Variants in IL34 observed in about 807,000 individuals in gnomAD.
The protein encoded by IL34 is interleukin-34.
In IL34, 17 loss-of-function variants were observed where a neutral mutation model predicts 25.3. The ratio of observed to expected loss-of-function variants is 0.67; its 90% CI spans 0.46 to 1.01. The LOEUF is 1.01. Ranked by LOEUF, IL34 falls within the 50% of genes least tolerant of loss-of-function variation. The pLI, the probability that IL34 is intolerant of heterozygous loss-of-function variation, is 0.00. For missense variants in IL34, 368 were observed against 312.9 expected (o/e 1.18, Z -1.33); for synonymous variants, 174 against 140.9 (o/e 1.23, Z -1.66).
intron 1 of IL34, among the ~76,000 whole-genome samples, chr16:70,617,467 A>G (rs1423980639): frequency 6.6e-6 from 1 of 152,156 alleles, no homozygotes; most frequent in Non-Finnish European, 1.5e-5. Flanking sequence ...TAGACAGAAG[A>G]TAGTAGGGAT....
intron 1 of IL34, 32 bp downstream of exon 1, chr16:70,647,007 T>C (rs371492920): frequency 6.3e-6 from 9 of 1,437,212 alleles, no homozygotes; most frequent in Middle Eastern, 1.8e-4. Context: ...GGGACCTGCA[T>C]TGGGAGGCCT....
chr16:70,627,085 C>G (rs1053216677), intron 1 of IL34, among the ~76,000 whole-genome samples: 5 of 152,138 alleles, frequency 3.3e-5, no homozygotes, highest in Non-Finnish European at 7.3e-5. Flanking sequence ...ACCTCAGCCT[C>G]CCAAAGTGCT....
At chr16:70,639,981 T>C (rs947468224) in intron 1 of IL34, among the ~76,000 whole-genome samples, 3 of 151,820 alleles carry the variant, frequency 2.0e-5, no homozygotes, top group African/African-American at 4.8e-5. Context: ...CAGAGGAACA[T>C]GTTGAAGTGG....
At chr16:70,645,603 A>T (rs1795235267), upstream of IL34, among the ~76,000 whole-genome samples, 2 of 152,210 alleles carry the variant, frequency 1.3e-5, no homozygotes, top group South Asian at 4.1e-4. Flanking sequence ...TTTTGGGAGC[A>T]GCCACCAGCC....
intron 1 of IL34, among the ~76,000 whole-genome samples, chr16:70,612,313 ACTGGGGGCTGGGGG>A (rs560548899): frequency 2.3e-4 from 34 of 150,666 alleles, no homozygotes; most frequent in Admixed American, 2.2e-3. Flanking sequence ...GCCTGAAAGC[ACTGGGGGCTGGGGG>A]CTGGGGGCTA....
intron 1 of IL34, among the ~76,000 whole-genome samples, chr16:70,597,553 T>C (rs1055667560): frequency 6.6e-6 from 1 of 152,220 alleles, no homozygotes; most frequent in African/African-American, 2.4e-5. Flanking sequence ...TTAGTTCTTG[T>C]TACAAATTGC....
intron 1 of IL34, among the ~76,000 whole-genome samples, chr16:70,619,510 T>G (rs543722984): frequency 6.6e-6 from 1 of 151,416 alleles, no homozygotes; most frequent in Admixed American, 6.6e-5. Context: ...GGCACCAGAG[T>G]TGGGGAGTTT....
At chr16:70,639,117 C>T (rs893538061) in intron 1 of IL34, among the ~76,000 whole-genome samples, 1 of 152,124 alleles carries the variant, frequency 6.6e-6, no homozygotes, top group Non-Finnish European at 1.5e-5. Flanking sequence ...GGGAGATGCC[C>T]TTGGGATATG....
In IL34 at chr16:70,660,605, C is replaced by T. The variant is rs570185965; in HGVS notation, c.*418C>T. The T allele has an allele frequency of 9.0e-4, 155 of 172,888 alleles. 1 individual carries two copies. The highest frequency in any genetic ancestry group is 3.5e-3 in the African/African-American group (147 of 42,244). The allele number at this position is 172,888 out of a possible 1,614,324, so 10.7% of individuals were successfully genotyped here. ...AGACTGGGGAGCTGGGGGCAGAGGGCGGTGCCAAGTGCCACATCTTGCCAT... is the reference window on the plus strand; with the variant it reads ...AGACTGGGGAGCTGGGGGCAGAGGGTGGTGCCAAGTGCCACATCTTGCCAT... On this transcript the variant is annotated 3_prime_UTR_variant, in exon 6 of 6. Coordinates refer to ENST00000288098, the MANE Select transcript of IL34 (RefSeq NM_001393494.1).
chr16:70,585,253 G>A (rs1397937322), intron 1 of IL34, among the ~76,000 whole-genome samples: 1 of 152,078 alleles, frequency 6.6e-6, no homozygotes, highest in Admixed American at 6.5e-5. Context: ...TTAGCATAAT[G>A]TCCTCAAGGA....
chr16:70,620,904 G>C (rs1369272373), intron 1 of IL34, among the ~76,000 whole-genome samples: 1 of 152,132 alleles, frequency 6.6e-6, no homozygotes, highest in African/African-American at 2.4e-5. Flanking sequence ...AGGAGGAATG[G>C]AATGTGGAAT....
intron 4 of IL34, 142 bp downstream of exon 4, chr16:70,657,263 G>C (rs1435039940): frequency 9.3e-6 from 8 of 859,776 alleles, no homozygotes; most frequent in African/African-American, 5.1e-5. Context: ...TGGGAGAAGT[G>C]GGGGAGGGGT....
At chr16:70,639,756 G>T (rs1397819662) in intron 1 of IL34, among the ~76,000 whole-genome samples, 1 of 152,142 alleles carries the variant, frequency 6.6e-6, no homozygotes, top group Non-Finnish European at 1.5e-5. Context: ...GAGTTTGAGA[G>T]CAGCTTGAGC....
intron 1 of IL34, among the ~76,000 whole-genome samples, chr16:70,606,353 G>A (rs1344818879): frequency 4.6e-5 from 7 of 152,050 alleles, no homozygotes; most frequent in South Asian, 2.1e-4. Flanking sequence ...AGCTGAGATC[G>A]CACCACTGCA....
chr16:70,646,672 AC>A lies in IL34; in HGVS notation c.-271del. 3 of 433,810 alleles carry A rather than the reference AC, an allele frequency of 6.9e-6. No homozygotes were observed. The highest frequency in any genetic ancestry group is 8.1e-6 in the Non-Finnish European group (2 of 248,106). 26.9% of individuals were successfully genotyped at this position (433,810 alleles called of 1,614,324 possible). A position where few individuals can be genotyped will look rare whatever the true frequency, so the allele number is the denominator to read the frequency against. On this transcript the variant is annotated 5_prime_UTR_variant, in exon 1 of 6. Coordinates refer to ENST00000288098, the MANE Select transcript of IL34 (RefSeq NM_001393494.1). ...TCCTTGGAAAGGAAGACCCCGAAAG[AC>A]CCCCAAGCCACCGGCTCAGACCTGC...
chr16:70,591,620 CCT>C (rs1055731268), intron 1 of IL34, among the ~76,000 whole-genome samples: 5 of 151,990 alleles, frequency 3.3e-5, no homozygotes, highest in Non-Finnish European at 5.9e-5. Context: ...CCACCCTGCC[CCT>C]GTTAGCTTGC....
intron 1 of IL34, among the ~76,000 whole-genome samples, chr16:70,606,521 C>CCAACCACCACCCTCCACCCCCAAA (rs2051007089): frequency 6.6e-6 from 1 of 152,204 alleles, no homozygotes; most frequent in Non-Finnish European, 1.5e-5. Flanking sequence ...CCACCCTCAA[C>CCAACCACCACCCTCCACCCCCAAA]CAACCACCAC....
chr16:70,619,207 T>A (rs2051225532), intron 1 of IL34, among the ~76,000 whole-genome samples: 1 of 152,048 alleles, frequency 6.6e-6, no homozygotes, highest in Admixed American at 6.6e-5. Context: ...TGCTGCGGGA[T>A]GGGATATTGG....
At chr16:70,593,346 AC>A (rs1166334263) in intron 1 of IL34, among the ~76,000 whole-genome samples, 2 of 152,140 alleles carry the variant, frequency 1.3e-5, no homozygotes, top group East Asian at 1.9e-4. Flanking sequence ...ATATAGAAAA[AC>A]ATCACCAAAC....
Sources: gnomAD v4.1 joint callset for allele counts (sites outside exome capture counted in the v4.1 genomes callset) on GRCh38, gnomAD v4.1.1 for gene constraint, MANE v1.5 for transcripts, NCBI Gene and HGNC (gene_info 2026-07-23, HGNC 2026-07-21) for gene names.